The following ANKRD30B variants were observed in gnomAD, a reference collection of about 807,000 sequenced individuals.
ANKRD30B encodes ankyrin repeat domain-containing protein 30B.
A neutral mutation model predicts 202.2 loss-of-function variants in ANKRD30B; 144 were observed. That is an observed-to-expected ratio of 0.71 (90% confidence interval 0.62 to 0.82). The LOEUF is 0.82. ANKRD30B is among the 40% of genes least tolerant of loss of function. The pLI is 0.00. For synonymous variants in ANKRD30B, 508 were observed against 561.3 expected, an observed-to-expected ratio of 0.91 and a Z score of 1.34; for missense variants, 1,487 against 1,669.1, an observed-to-expected ratio of 0.89 and a Z score of 1.90.
intron 15 of ANKRD30B, among the ~76,000 whole-genome samples, chr18:14,789,178 T>C (rs957528451): frequency 1.3e-5 from 2 of 152,256 alleles, no homozygotes; most frequent in Admixed American, 1.3e-4. Flanking sequence ...GTTTTTTGGA[T>C]GCATAAATGT....
the ANKRD30B span, among the ~76,000 whole-genome samples, chr18:14,912,389 T>C: frequency 6.6e-6 from 1 of 152,206 alleles, no homozygotes; most frequent in East Asian, 1.9e-4. Flanking sequence ...TAGTTTTTGT[T>C]CTTAATTCTG....
chr18:14,822,119 T>C (rs1313663686), intron 30 of ANKRD30B, among the ~76,000 whole-genome samples: 2 of 152,112 alleles, frequency 1.3e-5, no homozygotes, highest in Non-Finnish European at 2.9e-5. Context: ...GACATTTATT[T>C]ATTTATTTTT....
chr18:14,786,641 T>A (rs1410146576), intron 14 of ANKRD30B, among the ~76,000 whole-genome samples: 3 of 152,224 alleles, frequency 2.0e-5, no homozygotes, highest in East Asian at 3.9e-4. Flanking sequence ...GTAATAGAGA[T>A]TGCTGAGTCA....
At chr18:14,796,858 G>A in intron 18 of ANKRD30B, among the ~76,000 whole-genome samples, 2 of 152,204 alleles carry the variant, frequency 1.3e-5, no homozygotes, top group Admixed American at 6.5e-5. Flanking sequence ...TTGATTATGA[G>A]GTGAGATGGT....
At position 14,764,824 on chromosome 18, in the gene ANKRD30B, A is replaced by G. The variant is rs559496906; in HGVS notation, c.1225+734A>G. Among the ~76,000 whole-genome samples, 5 of 152,308 alleles carry G rather than the reference A, an allele frequency of 3.3e-5. No homozygotes were observed. The South Asian group carries it at 1.0e-3, about 32-fold the overall frequency. ...AGAGAAAACTTGGAAGCTTGCAATA[A>G]TCTTCCTGTAACATTTTGTTGGCTG... On this transcript the variant is annotated intron_variant, in intron 7 of 43. Transcript: ENST00000690538.
At chr18:14,755,523 A>G (rs1438112729) in intron 4 of ANKRD30B, among the ~76,000 whole-genome samples, 2 of 151,894 alleles carry the variant, frequency 1.3e-5, no homozygotes, top group African/African-American at 4.8e-5. Flanking sequence ...AGCATTAGGT[A>G]TATCTCCTAA....
chr18:14,827,070 G>A (rs1468755622), intron 32 of ANKRD30B, among the ~76,000 whole-genome samples: 1 of 152,132 alleles, frequency 6.6e-6, no homozygotes, highest in African/African-American at 2.4e-5. Context: ...GAGTTGTCAT[G>A]TGGTGTTAGG....
At chr18:14,795,174 T>C (rs540641745) in intron 16 of ANKRD30B, among the ~76,000 whole-genome samples, 1 of 152,356 alleles carries the variant, frequency 6.6e-6, no homozygotes, top group Admixed American at 6.5e-5. Context: ...AATTGACATC[T>C]AGTTTTTGAT....
chr18:14,839,571 CAT>C (rs1002298002), intron 36 of ANKRD30B, among the ~76,000 whole-genome samples: 2 of 152,172 alleles, frequency 1.3e-5, no homozygotes, highest in African/African-American at 4.8e-5. Flanking sequence ...TTCACGAATA[CAT>C]GTTTTTATTT....
Position 14,852,281 on chromosome 18 carries a change from G to A in ANKRD30B, c.4337G>A (p.Ser1446Asn). 1 of 1,544,862 alleles carries A rather than the reference G, an allele frequency of 6.5e-7. No homozygotes were observed. The highest frequency in any genetic ancestry group is 8.7e-7 in the Non-Finnish European group (1 of 1,145,106). Residue 1446 changes from serine (S) to asparagine (N), a missense_variant, in exon 42 of 44, where the codon AGC becomes AAC. Physicochemically the swap from Ser to Asn is conservative, Grantham distance 46. Transcript: ENST00000690538. Reference sequence around the variant, plus strand: ...TATGCACATAAGAAAGTTAACAAAAGCAAGGTAACAATTAATATTCAGTTT... The same window carrying A: ...TATGCACATAAGAAAGTTAACAAAAACAAGGTAACAATTAATATTCAGTTT... Reference protein sequence around the residue: ...LVYAHKKVNKSKVTINIQFPE... With the variant: ...LVYAHKKVNKNKVTINIQFPE...
At chr18:14,855,440 C>G (rs1435760114), downstream of ANKRD30B, among the ~76,000 whole-genome samples, 1 of 152,242 alleles carries the variant, frequency 6.6e-6, no homozygotes, top group Non-Finnish European at 1.5e-5. Flanking sequence ...GTTGGGTACA[C>G]CTGCAGAAAG....
In ANKRD30B at chr18:14,828,413, T is replaced by C. The variant is rs139866891; in HGVS notation, c.2774+105T>C. The C allele has an allele frequency of 5.9e-3, 4,895 of 824,644 alleles. 17 individuals are homozygous for C. The highest frequency in any genetic ancestry group is 7.9e-3 in the Non-Finnish European group (4,207 of 534,614). The allele number at this position is 824,644 out of a possible 1,614,324, so 51.1% of individuals were successfully genotyped here. On this transcript the variant is annotated intron_variant, in intron 33 of 43. Coordinates refer to ENST00000690538, the MANE Select transcript of ANKRD30B (RefSeq NM_001367607.2). The stretch of plus-strand genomic sequence containing the variant: ...CTACTCTGGGCTAGACAACGTATTA[T>C]GTGCTTAATATTTATCATCTCACAT...
At chr18:14,868,271 C>G in the ANKRD30B span, among the ~76,000 whole-genome samples, 1 of 152,290 alleles carries the variant, frequency 6.6e-6, no homozygotes, top group Non-Finnish European at 1.5e-5. Flanking sequence ...GTACCACAGG[C>G]CTCAGTGATG....
rs1156252779 is a variant in ANKRD30B, at chr18:14,852,173, AAC to A, written c.4234_4235del (p.Thr1412Ter). 1 of 1,594,390 alleles carries A rather than the reference AAC, an allele frequency of 6.3e-7. No homozygotes were observed. The highest frequency in any genetic ancestry group is 1.4e-5 in the African/African-American group (1 of 73,602). ...CAAAATGAACAAGATAATGTGGACA[AAC>A]ACACTGAACAGCAGGAGTCTCTGGA... is the stretch of plus-strand genomic sequence containing the variant. On this transcript the variant is annotated frameshift_variant, in exon 42 of 44. Transcript: ENST00000690538. LOFTEE classifies it high-confidence loss of function.
At chr18:14,846,553 A>C (rs912916379) in intron 39 of ANKRD30B, among the ~76,000 whole-genome samples, 1 of 151,370 alleles carries the variant, frequency 6.6e-6, no homozygotes, top group African/African-American at 2.4e-5. Context: ...GCATTTGTCC[A>C]TTTCTTTTGC....
chr18:14,779,717 A>C (rs982061533), intron 10 of ANKRD30B, among the ~76,000 whole-genome samples: 1 of 145,988 alleles, frequency 6.8e-6, no homozygotes, highest in African/African-American at 2.5e-5. Flanking sequence ...GTGAGGAAAT[A>C]ATTAATACAA....
the ANKRD30B span, among the ~76,000 whole-genome samples, chr18:14,914,037 G>A: frequency 6.6e-6 from 1 of 152,162 alleles, no homozygotes; most frequent in Non-Finnish European, 1.5e-5. Flanking sequence ...TCAGAGACGG[G>A]AGTTGAGCCA....
chr18:14,936,992 C>G, the ANKRD30B span, among the ~76,000 whole-genome samples: 2 of 152,198 alleles, frequency 1.3e-5, no homozygotes, highest in African/African-American at 2.4e-5. Flanking sequence ...AACTAGGACC[C>G]CGCTGGGTCC....
the ANKRD30B span, among the ~76,000 whole-genome samples, chr18:14,869,449 C>A: frequency 6.6e-6 from 1 of 151,202 alleles, no homozygotes; most frequent in Non-Finnish European, 1.5e-5. Flanking sequence ...ATTTAGAAAC[C>A]CGTTTTTTAT....
Sources: gnomAD v4.1 joint callset for allele counts (sites outside exome capture counted in the v4.1 genomes callset) on GRCh38, gnomAD v4.1.1 for gene constraint, MANE v1.5 for transcripts, NCBI Gene and HGNC (gene_info 2026-07-23, HGNC 2026-07-21) for gene names.